The following SGCZ variants were observed in gnomAD, a reference collection of about 807,000 sequenced individuals.
SGCZ encodes the protein sarcoglycan zeta.
A neutral mutation model predicts 41.3 loss-of-function variants in SGCZ; 40 were observed. The observed-to-expected ratio is 0.97, with a 90% CI of 0.75 to 1.26. SGCZ has a LOEUF of 1.26. Among genes scored for constraint, SGCZ ranks in the 50% most tolerant of loss-of-function variants. The pLI is 0.00. For synonymous variants in SGCZ, 206 were observed against 137.5 expected, an observed-to-expected ratio of 1.50 and a Z score of -3.49; for missense variants, 552 against 369.8, an observed-to-expected ratio of 1.49 and a Z score of -4.04.
At chr8:14,559,942 A>G (rs1804157770) in intron 1 of SGCZ, among the ~76,000 whole-genome samples, 1 of 152,154 alleles carries the variant, frequency 6.6e-6, no homozygotes, top group Admixed American at 6.6e-5. Context: ...CCATTATGTT[A>G]TGTAACATAA....
At position 14,107,783 on chromosome 8, in the gene SGCZ, T is replaced by G. The variant is rs543271058; in HGVS notation, c.620+380A>C. Among the ~76,000 whole-genome samples, 231 of 152,132 alleles carry G rather than the reference T, an allele frequency of 1.5e-3. 2 individuals are homozygous for G. The highest frequency in any genetic ancestry group is 2.5e-3 in the Non-Finnish European group (172 of 67,970). ...CCTCCTGACTAACTTGGACTACACATGTGCACCACCATGCTCGGCTAATTT... is the reference window on the plus strand; with the variant it reads ...CCTCCTGACTAACTTGGACTACACAGGTGCACCACCATGCTCGGCTAATTT... On this transcript the variant is annotated intron_variant, in intron 6 of 7. Coordinates refer to ENST00000382080, the MANE Select transcript of SGCZ (RefSeq NM_139167.4).
chr8:15,010,864 T>A (rs1802801841), intron 1 of SGCZ, among the ~76,000 whole-genome samples: 1 of 152,106 alleles, frequency 6.6e-6, no homozygotes, highest in Non-Finnish European at 1.5e-5. Flanking sequence ...TGCCAAACAA[T>A]AATTTGCACA....
Position 14,281,986 on chromosome 8 carries a change from T to A in SGCZ, c.336+42117A>T, listed in dbSNP as rs1220050233. 4.6e-5 allele frequency among the ~76,000 whole-genome samples: 7 copies of A among 152,154 alleles called. No individual in the cohort carries two copies. In the East Asian group the frequency reaches 1.2e-3, roughly 25 times the overall value. ...TCAATCCCCTTCTACAACATTGATC[T>A]AACCAAATGATTTCAGCTTAGTTTA... is the stretch of plus-strand genomic sequence containing the variant. On this transcript the variant is annotated intron_variant, in intron 3 of 7. Coordinates refer to ENST00000382080, the MANE Select transcript of SGCZ (RefSeq NM_139167.4).
At chr8:14,462,906 A>G (rs577048106) in intron 2 of SGCZ, among the ~76,000 whole-genome samples, 2 of 151,762 alleles carry the variant, frequency 1.3e-5, no homozygotes, top group South Asian at 4.1e-4. Context: ...GTACAAATGT[A>G]TCACCTCCTT....
chr8:14,408,673 C>T (rs1307370681), intron 2 of SGCZ, among the ~76,000 whole-genome samples: 1 of 152,126 alleles, frequency 6.6e-6, no homozygotes, highest in Non-Finnish European at 1.5e-5. Context: ...TGTGAGTTAT[C>T]TCACCTGCCA....
chr8:14,399,436 C>A (rs72607307), intron 2 of SGCZ, among the ~76,000 whole-genome samples: 7,555 of 152,116 alleles, frequency 0.05, 422 homozygotes, highest in East Asian at 0.28. Flanking sequence ...GGCTGGACTT[C>A]TGTTTTTTAA....
At chr8:14,201,235 T>C (rs1031136361) in intron 4 of SGCZ, among the ~76,000 whole-genome samples, 2 of 152,134 alleles carry the variant, frequency 1.3e-5, no homozygotes, top group African/African-American at 4.8e-5. Flanking sequence ...TGAATAAACC[T>C]ACACTTATCA....
At chr8:14,750,821 A>G (rs970452523) in intron 1 of SGCZ, among the ~76,000 whole-genome samples, 1 of 152,204 alleles carries the variant, frequency 6.6e-6, no homozygotes, top group African/African-American at 2.4e-5. Context: ...TGCGAAATGC[A>G]TATTACTGTG....
chr8:14,350,907 G>C (rs768517928), intron 2 of SGCZ, among the ~76,000 whole-genome samples: 15 of 152,248 alleles, frequency 9.9e-5, no homozygotes, highest in African/African-American at 1.9e-4. Context: ...TTTGGTTACA[G>C]GTGCTTTAAA....
At chr8:15,177,060 T>C (rs1370606347) in intron 1 of SGCZ, among the ~76,000 whole-genome samples, 1 of 152,220 alleles carries the variant, frequency 6.6e-6, no homozygotes, top group East Asian at 1.9e-4. Context: ...GTTAACACTT[T>C]TTTAATGTGT....
chr8:14,980,378 T>C (rs1024284026), intron 1 of SGCZ, among the ~76,000 whole-genome samples: 3 of 152,202 alleles, frequency 2.0e-5, no homozygotes. Context: ...AGAAATAATC[T>C]CCCACATTTT....
chr8:14,646,455 A>G (rs1438887448), intron 1 of SGCZ, among the ~76,000 whole-genome samples: 2 of 151,840 alleles, frequency 1.3e-5, no homozygotes, highest in Non-Finnish European at 2.9e-5. Context: ...CCCACTGTTG[A>G]TGGGCACTTA....
intron 2 of SGCZ, among the ~76,000 whole-genome samples, chr8:14,482,699 T>C (rs1801567429): frequency 6.6e-6 from 1 of 151,948 alleles, no homozygotes; most frequent in Non-Finnish European, 1.5e-5. Flanking sequence ...CCCTCCCCAA[T>C]GAGGGTGGGG....
chr8:14,420,037 TC>T lies in SGCZ; in HGVS notation c.235-95834del, dbSNP rs1422032723. On this transcript the variant is annotated intron_variant, in intron 2 of 7. Transcript: ENST00000382080. ...TCTTCATTTTCTGTTAACGATCCTT[TC>T]CAGTATCTCCACTGTACAGACTATA... is the stretch of plus-strand genomic sequence containing the variant. Among the ~76,000 whole-genome samples the T allele has an allele frequency of 7.2e-5, 11 of 152,222 alleles. No individual in the cohort carries two copies. The East Asian group carries it at 2.1e-3, about 29-fold the overall frequency.
At chr8:14,281,665 T>A (rs1183945687) in intron 3 of SGCZ, among the ~76,000 whole-genome samples, 1 of 152,050 alleles carries the variant, frequency 6.6e-6, no homozygotes, top group Non-Finnish European at 1.5e-5. Flanking sequence ...AATACAAATA[T>A]ACATCAAAAA....
intron 2 of SGCZ, among the ~76,000 whole-genome samples, chr8:14,438,754 T>C (rs1021082153): frequency 6.6e-6 from 1 of 152,054 alleles, no homozygotes; most frequent in Non-Finnish European, 1.5e-5. Context: ...TAGCTTAAAA[T>C]ATCACTGTAA....
chr8:14,889,211 G>A (rs1002819346), intron 1 of SGCZ, among the ~76,000 whole-genome samples: 8 of 151,792 alleles, frequency 5.3e-5, no homozygotes, highest in Non-Finnish European at 8.8e-5. Flanking sequence ...AATGTGTGGT[G>A]CTTGAGGCAA....
chr8:14,958,411 G>T (rs1269387749), intron 1 of SGCZ, among the ~76,000 whole-genome samples: 1 of 151,932 alleles, frequency 6.6e-6, no homozygotes, highest in Non-Finnish European at 1.5e-5. Flanking sequence ...AGCAAGAAAA[G>T]GTATGCAATA....
chr8:14,262,998 A>T (rs1386118418), intron 3 of SGCZ, among the ~76,000 whole-genome samples: 2 of 152,172 alleles, frequency 1.3e-5, no homozygotes, highest in Non-Finnish European at 2.9e-5. Flanking sequence ...TTTGTACACA[A>T]ACTTCTCTTT....
Sources: gnomAD v4.1 joint callset for allele counts (sites outside exome capture counted in the v4.1 genomes callset) on GRCh38, gnomAD v4.1.1 for gene constraint, MANE v1.5 for transcripts, NCBI Gene and HGNC (gene_info 2026-07-23, HGNC 2026-07-21) for gene names.